DCPH1: variants seen among roughly 807,000 people sequenced by gnomAD.
The protein encoded by DCPH1 is damage control phosphatase 1.
chr6:151,464,502 T>G, the DCPH1 span: 1 of 1,610,862 alleles, frequency 6.2e-7, no homozygotes, highest in South Asian at 1.1e-5. Flanking sequence ...AGAGCAAAAT[T>G]TCTATGGGTC....
the DCPH1 span, among the ~76,000 whole-genome samples, chr6:151,466,391 A>G: frequency 6.6e-6 from 1 of 152,034 alleles, no homozygotes. Flanking sequence ...CCATAGTATA[A>G]TAAACTATGA....
the DCPH1 span, among the ~76,000 whole-genome samples, chr6:151,459,998 T>G: frequency 2.6e-5 from 4 of 152,226 alleles, no homozygotes; most frequent in Non-Finnish European, 1.5e-5. Flanking sequence ...GGGAAACATA[T>G]GGAACTTTAA....
At chr6:151,468,413 T>C in the DCPH1 span, 1 of 1,594,816 alleles carries the variant, frequency 6.3e-7, no homozygotes, top group African/African-American at 1.3e-5. Flanking sequence ...AATACCAATG[T>C]ACTAAATTCA....
chr6:151,469,042 C>T, the DCPH1 span: 1 of 1,614,148 alleles, frequency 6.2e-7, no homozygotes. Context: ...GGAACAGCTC[C>T]TGGCCTCTGA....
At chr6:151,468,889 AAT>A in the DCPH1 span, 1 of 1,613,932 alleles carries the variant, frequency 6.2e-7, no homozygotes, top group Non-Finnish European at 8.5e-7. Flanking sequence ...GGGTGATTTG[AAT>A]TACAGGAAGT....
At chr6:151,463,431 A>G in the DCPH1 span, among the ~76,000 whole-genome samples, 1 of 152,208 alleles carries the variant, frequency 6.6e-6, no homozygotes, top group Admixed American at 6.5e-5. Flanking sequence ...GTTTCCAAAA[A>G]TAAATTGACT....
At chr6:151,464,686 C>A in the DCPH1 span, 1 of 984,798 alleles carries the variant, frequency 1.0e-6, no homozygotes, top group East Asian at 2.9e-5. Context: ...ATACAGTTAA[C>A]AAAACATGTA....
the DCPH1 span, chr6:151,454,471 G>C: frequency 1.3e-6 from 1 of 745,896 alleles, no homozygotes; most frequent in South Asian, 1.5e-5. Context: ...TACATGAAGT[G>C]TTCCAGAAAC....
At chr6:151,460,409 T>C in the DCPH1 span, among the ~76,000 whole-genome samples, 3 of 150,656 alleles carry the variant, frequency 2.0e-5, no homozygotes, top group Non-Finnish European at 3.0e-5. Context: ...AGCCTATATA[T>C]TTTTTTTTCA....
the DCPH1 span, chr6:151,468,205 G>T: frequency 1.7e-6 from 1 of 593,466 alleles, no homozygotes; most frequent in Non-Finnish European, 2.9e-6. Flanking sequence ...GTTAGAGAAA[G>T]TATAGATTTG....
chr6:151,469,272 A>C, the DCPH1 span: 1 of 551,122 alleles, frequency 1.8e-6, no homozygotes, highest in East Asian at 3.0e-5. Context: ...TTTCTTTTGA[A>C]CATTTTGCCC....
chr6:151,458,752 T>C, the DCPH1 span, among the ~76,000 whole-genome samples: 5 of 152,248 alleles, frequency 3.3e-5, no homozygotes, highest in African/African-American at 1.2e-4. Flanking sequence ...CTACAAATGT[T>C]ACTGATGGAC....
the DCPH1 span, among the ~76,000 whole-genome samples, chr6:151,460,408 AT>A: frequency 1.3e-5 from 2 of 149,866 alleles, no homozygotes; most frequent in African/African-American, 2.5e-5. Context: ...CAGCCTATAT[AT>A]TTTTTTTTCA....
the DCPH1 span, chr6:151,452,833 C>T: frequency 9.0e-6 from 4 of 442,372 alleles, no homozygotes. Context: ...GCTTCGCGGT[C>T]TGTTCCTGGC....
the DCPH1 span, among the ~76,000 whole-genome samples, chr6:151,456,883 C>T: frequency 6.6e-6 from 1 of 152,176 alleles, no homozygotes; most frequent in Non-Finnish European, 1.5e-5. Context: ...TAATGAAGTC[C>T]TAGTATATTG....
the DCPH1 span, among the ~76,000 whole-genome samples, chr6:151,456,846 G>A: frequency 2.6e-5 from 4 of 152,042 alleles, no homozygotes; most frequent in South Asian, 4.2e-4. Flanking sequence ...CAGTTTTTTC[G>A]GCCAGAGTGA....
the DCPH1 span, among the ~76,000 whole-genome samples, chr6:151,463,609 T>A: frequency 1.3e-5 from 2 of 152,254 alleles, no homozygotes; most frequent in Non-Finnish European, 2.9e-5. Context: ...GAGGCAGCCA[T>A]CATTTGGATG....
the DCPH1 span, chr6:151,468,816 A>G: frequency 1.9e-6 from 3 of 1,614,220 alleles, no homozygotes; most frequent in Non-Finnish European, 2.5e-6. Flanking sequence ...AGTACTGTGC[A>G]ATGCCTCAGG....
chr6:151,455,875 C>T, the DCPH1 span, among the ~76,000 whole-genome samples: 2 of 152,282 alleles, frequency 1.3e-5, no homozygotes, highest in East Asian at 1.9e-4. Context: ...GAGGTCCCTG[C>T]GGCCTTCCGG....
Sources: allele counts gnomAD v4.1 joint callset (sites outside exome capture counted in the v4.1 genomes callset), GRCh38; gene constraint gnomAD v4.1.1; transcripts MANE v1.5; gene names NCBI Gene and HGNC (gene_info 2026-07-23, HGNC 2026-07-21).